EPHA4: variants seen among roughly 807,000 people sequenced by gnomAD.
EPHA4 encodes the protein EPH receptor A4, also known as ephrin type-A receptor 4.
EPHA4 carries 19 observed loss-of-function variants against 108.3 expected under a neutral mutation model. The ratio of observed to expected loss-of-function variants is 0.18; its 90% CI spans 0.12 to 0.26. The LOEUF (loss-of-function observed/expected upper bound fraction) is 0.26. EPHA4 is among the 10% of genes least tolerant of loss of function. EPHA4 has a pLI of 1.00. For synonymous variants in EPHA4, 449 were observed against 455.5 expected, an observed-to-expected ratio of 0.99 and a Z score of 0.18; for missense variants, 917 against 1,254.0, an observed-to-expected ratio of 0.73 and a Z score of 4.06.
At chr2:221,432,834 T>G (rs922506543) in intron 14 of EPHA4, among the ~76,000 whole-genome samples, 1 of 147,468 alleles carries the variant, frequency 6.8e-6, no homozygotes, top group Non-Finnish European at 1.5e-5. Context: ...TTTTTTTTTT[T>G]TTTTTTTTGA....
At chr2:221,457,829 GAAGA>G (rs1691009102) in intron 6 of EPHA4, 33 bp downstream of exon 6, 3 of 1,571,584 alleles carry the variant, frequency 1.9e-6, no homozygotes, top group Non-Finnish European at 2.6e-6. Flanking sequence ...AGGAAGGAAG[GAAGA>G]AAGGAAAGGA....
intron 15 of EPHA4, among the ~76,000 whole-genome samples, chr2:221,428,602 G>T (rs949118982): frequency 2.0e-5 from 3 of 152,166 alleles, no homozygotes; most frequent in Non-Finnish European, 4.4e-5. Context: ...TGGTGCTGAA[G>T]ATCTAAAAGG....
At chr2:221,508,060 C>T (rs568130729) in intron 3 of EPHA4, among the ~76,000 whole-genome samples, 76 of 152,188 alleles carry the variant, frequency 5.0e-4, no homozygotes, top group African/African-American at 1.5e-3. Flanking sequence ...TCCCTGGACC[C>T]GATGACAACA....
intron 3 of EPHA4, among the ~76,000 whole-genome samples, chr2:221,551,706 A>G (rs1461601748): frequency 6.6e-6 from 1 of 152,202 alleles, no homozygotes; most frequent in Non-Finnish European, 1.5e-5. Context: ...TACACTAGCC[A>G]TTCTTTATCC....
At chr2:221,469,020 T>C (rs1263290446) in intron 5 of EPHA4, among the ~76,000 whole-genome samples, 1 of 152,346 alleles carries the variant, frequency 6.6e-6, no homozygotes, top group Non-Finnish European at 1.5e-5. Flanking sequence ...GGGCAAAACA[T>C]TAATATACTA....
chr2:221,461,879 G>A (rs1156830165), intron 5 of EPHA4, among the ~76,000 whole-genome samples: 1 of 151,992 alleles, frequency 6.6e-6, no homozygotes, highest in African/African-American at 2.4e-5. Context: ...ATGGGGAGGA[G>A]TAAGTAGAGG....
chr2:221,467,361 C>A lies in EPHA4; in HGVS notation c.1319-9371G>T, dbSNP rs142796275. The stretch of plus-strand genomic sequence containing the variant: ...ATTTCACAATAAAAAGGTTATAAAA[C>A]AAACACAAATGTTAGGAGTATTAAA... On this transcript the variant is annotated intron_variant, in intron 5 of 17. Transcript: ENST00000281821. Among the ~76,000 whole-genome samples the A allele has an allele frequency of 5.8e-3, 884 of 152,148 alleles. 12 individuals are homozygous for A. The highest frequency in any genetic ancestry group is 0.02 in the African/African-American group (824 of 41,530).
intron 5 of EPHA4, among the ~76,000 whole-genome samples, chr2:221,471,149 A>AT (rs1055900248): frequency 6.6e-6 from 1 of 152,172 alleles, no homozygotes; most frequent in African/African-American, 2.4e-5. Context: ...AGAATTGAGA[A>AT]TTGAGATGAC....
chr2:221,420,274 T>TG lies in EPHA4; in HGVS notation c.*1097dup, dbSNP rs1461524409. 5.9e-5 allele frequency: 9 copies of TG among 152,800 alleles called. No homozygotes were observed. The highest frequency in any genetic ancestry group is 2.2e-4 in the African/African-American group (9 of 41,592). 9.5% of individuals were successfully genotyped at this position (152,800 alleles called of 1,614,324 possible). ...GTCTGGGGCAAGGGCTCTGCAGAGCTGGTGCTGCGAGACAGTGCATTCCTC... is the reference window on the plus strand; with the variant it reads ...GTCTGGGGCAAGGGCTCTGCAGAGCTGGGTGCTGCGAGACAGTGCATTCCTC... On this transcript the variant is annotated 3_prime_UTR_variant, in exon 18 of 18. Transcript: ENST00000281821.
At chr2:221,548,398 C>G (rs993743767) in intron 3 of EPHA4, among the ~76,000 whole-genome samples, 1 of 152,000 alleles carries the variant, frequency 6.6e-6, no homozygotes, top group East Asian at 1.9e-4. Flanking sequence ...TTGTCCTTCT[C>G]TCTCTCACTC....
Position 221,419,560 on chromosome 2 carries a change from C to T in EPHA4, c.*1812G>A, listed in dbSNP as rs1170041775. On this transcript the variant is annotated 3_prime_UTR_variant, in exon 18 of 18. Transcript: ENST00000281821. ...TTTGGGGTTACCAGACACATTCCAT[C>T]TCCTTCTCTCTCTCCATCAAGGAAC... 1.3e-5 allele frequency: 2 copies of T among 152,640 alleles called. No homozygotes were observed. Among genetic ancestry groups the T allele is most frequent in the Non-Finnish European group, 2.9e-5 (2 of 68,044 alleles). 9.5% of individuals were successfully genotyped at this position (152,640 alleles called of 1,614,324 possible).
At chr2:221,440,036 C>T (rs904834130) in intron 11 of EPHA4, among the ~76,000 whole-genome samples, 29 of 152,074 alleles carry the variant, frequency 1.9e-4, no homozygotes, top group African/African-American at 7.0e-4. Flanking sequence ...CCTTTATGAG[C>T]TCTACAAGGG....
At chr2:221,573,542 T>TCCCTTC (rs1220177479), upstream of EPHA4, 17 of 152,324 alleles carry the variant, frequency 1.1e-4, no homozygotes, top group Admixed American at 5.9e-4. The surrounding 1 kb of genome is among the most constrained non-coding windows in gnomAD (Gnocchi z 4.5). Context: ...CAATGAGGCC[T>TCCCTTC]CCCTTCCCCT....
At chr2:221,434,594 G>A (rs1220646200) in intron 13 of EPHA4, among the ~76,000 whole-genome samples, 3 of 152,200 alleles carry the variant, frequency 2.0e-5, no homozygotes, top group Admixed American at 1.3e-4. Context: ...CAAAATACGT[G>A]TTATCTACGG....
chr2:221,568,281 G>T (rs1694727223), intron 2 of EPHA4, among the ~76,000 whole-genome samples: 1 of 152,184 alleles, frequency 6.6e-6, no homozygotes, highest in African/African-American at 2.4e-5. Context: ...TGCAGTTCAT[G>T]CAGGTACAAT....
chr2:221,556,776 T>C (rs1240517465), intron 3 of EPHA4, among the ~76,000 whole-genome samples: 1 of 152,196 alleles, frequency 6.6e-6, no homozygotes, highest in East Asian at 1.9e-4. Context: ...AGAGGCTATA[T>C]TCACATAATT....
intron 3 of EPHA4, among the ~76,000 whole-genome samples, chr2:221,512,571 T>C (rs1200904893): frequency 1.3e-5 from 2 of 152,194 alleles, no homozygotes; most frequent in Non-Finnish European, 1.5e-5. Flanking sequence ...GATGAGTGGC[T>C]CATTATACAT....
At chr2:221,545,922 T>C (rs909470990) in intron 3 of EPHA4, among the ~76,000 whole-genome samples, 6 of 152,254 alleles carry the variant, frequency 3.9e-5, no homozygotes, top group African/African-American at 9.6e-5. Flanking sequence ...AGGTTTATAG[T>C]TGAAAGTCAA....
At chr2:221,548,218 G>A (rs538806149) in intron 3 of EPHA4, among the ~76,000 whole-genome samples, 5 of 152,252 alleles carry the variant, frequency 3.3e-5, no homozygotes, top group African/African-American at 9.6e-5. Context: ...TTAGCCAGGC[G>A]TGGCGCCGCA....
Sources: allele counts gnomAD v4.1 joint callset (sites outside exome capture counted in the v4.1 genomes callset), GRCh38; gene constraint gnomAD v4.1.1; non-coding constraint Gnocchi (gnomAD v3.1); transcripts MANE v1.5; gene names NCBI Gene and HGNC (gene_info 2026-07-23, HGNC 2026-07-21).